CDH6: variants seen among roughly 807,000 people sequenced by gnomAD.
CDH6 encodes the protein cadherin-6.
Under a neutral mutation model 78.0 loss-of-function variants are expected in CDH6, and 31 were observed. The ratio of observed to expected loss-of-function variants is 0.40; its 90% CI spans 0.30 to 0.54. The LOEUF (loss-of-function observed/expected upper bound fraction) is 0.54, where lower values mean the gene tolerates loss of function less well. CDH6 is among the 20% of genes least tolerant of loss of function. The pLI is 0.56. For missense variants in CDH6, 724 were observed against 975.9 expected (o/e 0.74, Z 3.44); for synonymous variants, 376 against 368.8 (o/e 1.02, Z -0.23).
At chr5:31,260,490 C>T (rs1482102315) in intron 1 of CDH6, among the ~76,000 whole-genome samples, 1 of 152,050 alleles carries the variant, frequency 6.6e-6, no homozygotes, top group Non-Finnish European at 1.5e-5. Flanking sequence ...TTTTCTGTTC[C>T]AAGTATTTCA....
chr5:31,273,177 G>C (rs549973276), intron 2 of CDH6, among the ~76,000 whole-genome samples: 1 of 152,086 alleles, frequency 6.6e-6, no homozygotes, highest in Non-Finnish European at 1.5e-5. Flanking sequence ...TATTTTATCC[G>C]TTCTGAAAGG....
chr5:31,256,573 C>T (rs1463031630), intron 1 of CDH6, among the ~76,000 whole-genome samples: 1 of 152,116 alleles, frequency 6.6e-6, no homozygotes, highest in African/African-American at 2.4e-5. Flanking sequence ...ACCTGGCTGT[C>T]TTTTGTTTTT....
intron 1 of CDH6, among the ~76,000 whole-genome samples, chr5:31,214,876 T>G (rs1740821763): frequency 6.6e-6 from 1 of 152,176 alleles, no homozygotes; most frequent in Non-Finnish European, 1.5e-5. Context: ...CCAATGGAAA[T>G]GGATTAAGTT....
chr5:31,241,188 G>A (rs1479018857), intron 1 of CDH6, among the ~76,000 whole-genome samples: 3 of 152,146 alleles, frequency 2.0e-5, no homozygotes, highest in East Asian at 3.9e-4. Context: ...CATCTTTGCT[G>A]GCCATCAATA....
intron 1 of CDH6, among the ~76,000 whole-genome samples, chr5:31,236,458 A>G (rs931806454): frequency 6.6e-6 from 1 of 152,120 alleles, no homozygotes; most frequent in Non-Finnish European, 1.5e-5. Flanking sequence ...GGAAGCAGAG[A>G]AAAGGAGGCA....
At chr5:31,213,721 T>C (rs1408598766) in intron 1 of CDH6, among the ~76,000 whole-genome samples, 1 of 152,090 alleles carries the variant, frequency 6.6e-6, no homozygotes, top group Non-Finnish European at 1.5e-5. Flanking sequence ...TAATGTTGGT[T>C]AAAAATTGCT....
At chr5:31,210,325 T>G (rs1031096267) in intron 1 of CDH6, among the ~76,000 whole-genome samples, 1 of 151,986 alleles carries the variant, frequency 6.6e-6, no homozygotes, top group Non-Finnish European at 1.5e-5. Flanking sequence ...GTTAACATGG[T>G]GAAACCCATC....
In CDH6 at chr5:31,199,438, ATATATACACACACATATG is replaced by A. The variant is rs1160705449; in HGVS notation, c.-129+5554_-129+5571del. Among the ~76,000 whole-genome samples, 4 of 3,788 alleles carry A rather than the reference ATATATACACACACATATG, an allele frequency of 1.1e-3. No individual in the cohort carries two copies. The Admixed American group carries it at 0.014, about 13-fold the overall frequency. The allele number at this position is 3,788 out of a possible 152,430, so 2.5% of individuals were successfully genotyped here. A position where few individuals can be genotyped will look rare whatever the true frequency, so the allele number is the denominator to read the frequency against. On this transcript the variant is annotated intron_variant, in intron 1 of 11. Coordinates refer to ENST00000265071, the MANE Select transcript of CDH6 (RefSeq NM_004932.4). Reference sequence around the variant, plus strand: ...TGTATATATGTACACACATATGTGTATATATACACACACATATGTGTATATATACACACACATATGTGT... The same window carrying A: ...TGTATATATGTACACACATATGTGTATGTATATATACACACACATATGTGT...
chr5:31,314,517 A>AGGAT (rs760120372), intron 8 of CDH6, among the ~76,000 whole-genome samples: 48 of 152,160 alleles, frequency 3.2e-4, no homozygotes, highest in Non-Finnish European at 6.3e-4. Flanking sequence ...AAGTGACTAA[A>AGGAT]GGATATTTGG....
Position 31,328,477 on chromosome 5 carries a change from GA to G in CDH6, c.*5171del. On this transcript the variant is annotated 3_prime_UTR_variant, in exon 12 of 12. Transcript: ENST00000265071. ...AGCAAATGTAAAACTGACCTGCTCG[GA>G]AGAAACGTAGGAACGCTTCAAACCC... 1 of 207,606 alleles carries G rather than the reference GA, an allele frequency of 4.8e-6. No homozygotes were observed. Among genetic ancestry groups the G allele is most frequent in the Non-Finnish European group, 9.8e-6 (1 of 101,728 alleles). 12.9% of individuals were successfully genotyped at this position (207,606 alleles called of 1,614,324 possible).
At chr5:31,199,109 A>C (rs1740248963) in intron 1 of CDH6, among the ~76,000 whole-genome samples, 1 of 152,018 alleles carries the variant, frequency 6.6e-6, no homozygotes, top group Non-Finnish European at 1.5e-5. Flanking sequence ...AATATAGACC[A>C]AGTATTCTAC....
At position 31,284,467 on chromosome 5, in the gene CDH6, G is replaced by A. The variant is rs377176336; in HGVS notation, c.229-9495G>A. 3.9e-5 allele frequency among the ~76,000 whole-genome samples: 6 copies of A among 152,350 alleles called. 1 individual carries two copies. The highest frequency in any genetic ancestry group is 1.9e-4 in the East Asian group (1 of 5,182). On this transcript the variant is annotated intron_variant, in intron 2 of 11. Coordinates refer to ENST00000265071, the MANE Select transcript of CDH6 (RefSeq NM_004932.4). ...TTTGGGTAAAGGTGAAAGCAGAGTG[G>A]GTTTTTCCCACTTGCCCTGGGGCGA...
At chr5:31,197,275 G>A (rs770083036) in intron 1 of CDH6, among the ~76,000 whole-genome samples, 7 of 152,196 alleles carry the variant, frequency 4.6e-5, no homozygotes, top group Non-Finnish European at 8.8e-5. Flanking sequence ...CTCTTCTGCT[G>A]ACAGCCTGCA....
intron 1 of CDH6, among the ~76,000 whole-genome samples, chr5:31,227,921 A>T (rs947117554): frequency 6.6e-6 from 1 of 152,168 alleles, no homozygotes; most frequent in African/African-American, 2.4e-5. Flanking sequence ...ATTACCACAA[A>T]ACAATACAAA....
At chr5:31,234,302 T>G (rs1741394579) in intron 1 of CDH6, among the ~76,000 whole-genome samples, 1 of 152,242 alleles carries the variant, frequency 6.6e-6, no homozygotes. Flanking sequence ...TCTGTAAATT[T>G]CTATAAACTG....
chr5:31,299,521 T>C lies in CDH6; in HGVS notation c.701T>C (p.Val234Ala), dbSNP rs1304530296. The change falls in exon 5 of 12, where the codon GTG (valine) becomes GCG (alanine). Residue 234 changes from valine to alanine, a missense_variant. Val to Ala is a moderately conservative substitution (Grantham distance 64). Transcript: ENST00000265071. ...MDRENREQYQVVIQAKDMGGQ... is the reference protein window; with the variant it reads ...MDRENREQYQAVIQAKDMGGQ... The stretch of plus-strand genomic sequence containing the variant: ...CGAGAAAACAGGGAGCAGTACCAAG[T>C]GGTGATTCAAGCCAAGGATATGGGC... The C allele has an allele frequency of 6.2e-7, 1 of 1,613,544 alleles. No homozygotes were observed. Among genetic ancestry groups the C allele is most frequent in the African/African-American group, 1.3e-5 (1 of 74,824 alleles).
intron 1 of CDH6, among the ~76,000 whole-genome samples, chr5:31,261,310 C>A (rs928745265): frequency 3.3e-5 from 5 of 152,134 alleles, no homozygotes; most frequent in Admixed American, 6.5e-5. Context: ...CATAAATAAC[C>A]AGCTGTTTTC....
chr5:31,218,780 A>G (rs4583894), intron 1 of CDH6, among the ~76,000 whole-genome samples: 42,353 of 152,014 alleles, frequency 0.28, 6,184 homozygotes, highest in Non-Finnish European at 0.32. Flanking sequence ...AGGGTCTAAC[A>G]CAGGGTCATC....
chr5:31,268,641 A>G (rs1742429421), intron 2 of CDH6, among the ~76,000 whole-genome samples: 1 of 152,232 alleles, frequency 6.6e-6, no homozygotes, highest in Non-Finnish European at 1.5e-5. Flanking sequence ...TAATGAACAT[A>G]AAAAGATACA....
Sources: gnomAD v4.1 joint callset for allele counts (sites outside exome capture counted in the v4.1 genomes callset) on GRCh38, gnomAD v4.1.1 for gene constraint, MANE v1.5 for transcripts, NCBI Gene and HGNC (gene_info 2026-07-23, HGNC 2026-07-21) for gene names.